The following SCHIP1 variants were observed in gnomAD, a reference collection of about 807,000 sequenced individuals.
SCHIP1 encodes schwannomin-interacting protein 1.
In SCHIP1, 8 loss-of-function variants were observed where a neutral mutation model predicts 29.7. The observed-to-expected ratio is 0.27, with a 90% CI of 0.16 to 0.49. The LOEUF is 0.49. Ranked by LOEUF, SCHIP1 falls within the 20% of genes least tolerant of loss-of-function variation. The probability of loss-of-function intolerance (pLI) is 0.99; values close to 1 mark genes in which losing one functional copy is unlikely to be tolerated. For missense variants in SCHIP1, 193 were observed against 294.6 expected, an observed-to-expected ratio of 0.66 and a Z score of 2.52; for synonymous variants, 76 against 94.9, an observed-to-expected ratio of 0.80 and a Z score of 1.16.
the SCHIP1 span, among the ~76,000 whole-genome samples, chr3:159,641,275 A>G: frequency 6.6e-6 from 1 of 152,188 alleles, no homozygotes; most frequent in Non-Finnish European, 1.5e-5. Context: ...AGAACAATTT[A>G]TCATGGATTT....
chr3:159,506,774 T>C, the SCHIP1 span, among the ~76,000 whole-genome samples: 1 of 152,188 alleles, frequency 6.6e-6, no homozygotes, highest in African/African-American at 2.4e-5. Flanking sequence ...ACCAGATAGT[T>C]GTAGACGTGT....
the SCHIP1 span, among the ~76,000 whole-genome samples, chr3:159,766,952 C>T: frequency 9.2e-5 from 14 of 152,168 alleles, no homozygotes. Context: ...TGTATCCTCA[C>T]CTAGTGAACA....
At chr3:159,874,802 G>A (rs531856001) in intron 2 of SCHIP1, among the ~76,000 whole-genome samples, 2 of 152,280 alleles carry the variant, frequency 1.3e-5, no homozygotes, top group South Asian at 4.1e-4. Context: ...GAAATTGCCT[G>A]TCTGTGGCAT....
At chr3:159,386,627 A>T in the SCHIP1 span, 1 of 152,234 alleles carries the variant, frequency 6.6e-6, no homozygotes, top group African/African-American at 2.4e-5. Flanking sequence ...ACATCATGCT[A>T]CCTGATTTCA....
chr3:159,475,369 T>C, the SCHIP1 span, among the ~76,000 whole-genome samples: 1 of 152,084 alleles, frequency 6.6e-6, no homozygotes, highest in Non-Finnish European at 1.5e-5. Flanking sequence ...ACGTCTAGAA[T>C]AGACAAATCC....
At chr3:159,567,460 T>A in the SCHIP1 span, among the ~76,000 whole-genome samples, 1 of 152,202 alleles carries the variant, frequency 6.6e-6, no homozygotes, top group Non-Finnish European at 1.5e-5. Flanking sequence ...ATTTTAGTTT[T>A]TATACTTAGG....
the SCHIP1 span, among the ~76,000 whole-genome samples, chr3:159,324,666 T>C: frequency 6.6e-6 from 1 of 152,164 alleles, no homozygotes; most frequent in Non-Finnish European, 1.5e-5. Flanking sequence ...GGGAATAGAA[T>C]AGATTATTAG....
rs73019994 is a variant in SCHIP1 at position 159,865,079 on chromosome 3, C to G, written c.31-1084C>G. Among the ~76,000 whole-genome samples the G allele has an allele frequency of 4.4e-3, 663 of 152,256 alleles. 5 individuals are homozygous for G. Among genetic ancestry groups the G allele is most frequent in the African/African-American group, 0.015 (640 of 41,540 alleles). ...TTGTGACACAGTGATGCTCCAGAAC[C>G]TCCTACTGGGAGAATGAAGGCATCA... On this transcript the variant is annotated intron_variant, in intron 1 of 6. Transcript: ENST00000445224.
At chr3:159,539,866 C>T in the SCHIP1 span, among the ~76,000 whole-genome samples, 1 of 83,536 alleles carries the variant, frequency 1.2e-5, no homozygotes, top group South Asian at 3.8e-4. Context: ...ACATTGAGAA[C>T]TATGGACACT....
intron 1 of SCHIP1, among the ~76,000 whole-genome samples, chr3:159,865,822 G>A (rs1714561545): frequency 6.6e-6 from 1 of 152,216 alleles, no homozygotes; most frequent in Non-Finnish European, 1.5e-5. Flanking sequence ...ATTTGATTCA[G>A]GAGAAAGTAC....
chr3:159,878,648 G>A (rs1716111256), intron 2 of SCHIP1, among the ~76,000 whole-genome samples: 1 of 149,030 alleles, frequency 6.7e-6, no homozygotes, highest in African/African-American at 2.4e-5. Flanking sequence ...CGTAGTGGCG[G>A]GCGCCTGTAG....
chr3:159,439,036 T>C, the SCHIP1 span, among the ~76,000 whole-genome samples: 59 of 152,326 alleles, frequency 3.9e-4, no homozygotes, highest in Admixed American at 3.5e-3. Context: ...AAGTGGTATT[T>C]CTGCCCGTAG....
the SCHIP1 span, among the ~76,000 whole-genome samples, chr3:159,595,409 C>G: frequency 6.6e-6 from 1 of 151,948 alleles, no homozygotes; most frequent in African/African-American, 2.4e-5. Flanking sequence ...GGTGAAATGA[C>G]AAGATCAAGG....
the SCHIP1 span, among the ~76,000 whole-genome samples, chr3:159,639,683 T>C: frequency 2.9e-4 from 44 of 152,284 alleles, no homozygotes; most frequent in Admixed American, 7.8e-4. Flanking sequence ...GAGTCTATGG[T>C]TTGTAACAAT....
At chr3:159,288,558 G>A in the SCHIP1 span, among the ~76,000 whole-genome samples, 6 of 152,098 alleles carry the variant, frequency 3.9e-5, no homozygotes, top group Non-Finnish European at 8.8e-5. Flanking sequence ...ATCAACATGG[G>A]GAAACCCAGT....
At chr3:159,669,216 A>G in the SCHIP1 span, among the ~76,000 whole-genome samples, 1 of 152,198 alleles carries the variant, frequency 6.6e-6, no homozygotes. Flanking sequence ...AAAGCAAAGG[A>G]GAGGGCCAGG....
chr3:159,527,263 C>T, the SCHIP1 span, among the ~76,000 whole-genome samples: 16 of 152,156 alleles, frequency 1.1e-4, no homozygotes. Flanking sequence ...TATACTCATG[C>T]AAATATCCCC....
At chr3:159,474,021 G>A in the SCHIP1 span, among the ~76,000 whole-genome samples, 1 of 151,838 alleles carries the variant, frequency 6.6e-6, no homozygotes, top group Non-Finnish European at 1.5e-5. Context: ...AATAAAAAAT[G>A]TCTGGTTTCA....
chr3:159,866,048 A>C (rs1266616985), intron 1 of SCHIP1, 115 bp from the exon 3 acceptor site: 1 of 865,402 alleles, frequency 1.2e-6, no homozygotes, highest in Non-Finnish European at 1.8e-6. Flanking sequence ...GCCGCAGCCT[A>C]TTTATTTGTT....
Sources: gnomAD v4.1 joint callset for allele counts (sites outside exome capture counted in the v4.1 genomes callset) on GRCh38, gnomAD v4.1.1 for gene constraint, MANE v1.5 for transcripts, NCBI Gene and HGNC (gene_info 2026-07-23, HGNC 2026-07-21) for gene names.